The following PLEC variants were observed in gnomAD, a reference collection of about 807,000 sequenced individuals.
PLEC encodes plectin.
In PLEC, 216 loss-of-function variants were observed where a neutral mutation model predicts 392.8. The ratio of observed to expected loss-of-function variants is 0.55; its 90% CI spans 0.49 to 0.62. The LOEUF is 0.62. Among genes scored for constraint, PLEC ranks in the 20% least tolerant of loss-of-function variants. PLEC has a pLI of 0.00. For missense variants in PLEC, 6,863 were observed against 6,563.4 expected (o/e 1.05, Z -1.58); for synonymous variants, 3,621 against 2,980.6 (o/e 1.21, Z -7.00).
chr8:143,917,324 T>G lies in PLEC; in HGVS notation c.12497A>C (p.Gln4166Pro). The G allele has an allele frequency of 6.2e-7, 1 of 1,609,808 alleles. No homozygotes were observed. The highest frequency in any genetic ancestry group is 8.5e-7 in the Non-Finnish European group (1 of 1,179,700). ...CTGCTCGGACAGCTCCAGGTACGTCTGGTGGTCAATCAGGCCCTTGCGGTA... is the reference window on the plus strand; with the variant it reads ...CTGCTCGGACAGCTCCAGGTACGTCGGGTGGTCAATCAGGCCCTTGCGGTA... Reference protein sequence around the residue: ...EAYRKGLIDHQTYLELSEQEC... With the variant: ...EAYRKGLIDHPTYLELSEQEC... Residue 4166 changes from glutamine to proline, a missense_variant, in exon 32 of 32, where the codon CAG becomes CCG. Transcript: ENST00000345136.
In PLEC at chr8:143,923,494, C is replaced by G. The variant is rs782249577; in HGVS notation, c.6435G>C (p.Glu2145Asp). Residue 2145 changes from glutamate to aspartate, a missense_variant, in exon 31 of 32, where the codon GAG becomes GAC. Coordinates refer to ENST00000345136, the MANE Select transcript of PLEC (RefSeq NM_201384.3). The part of the protein sequence containing the change: ...AEKLRKEAEQ[E>D]AARRAQAEQA... ...GCTCCGCCTGTGCCCGCCGCGCCGC[C>G]TCTTGCTCGGCCTCCTTGCGCAGCT... The G allele has an allele frequency of 1.9e-6, 3 of 1,600,018 alleles. No individual in the cohort carries two copies. Among genetic ancestry groups the G allele is most frequent in the South Asian group, 1.1e-5 (1 of 90,602 alleles).
chr8:143,918,432 G>A lies in PLEC; in HGVS notation c.11389C>T (p.Leu3797=), dbSNP rs782813008. Residue 3797 remains leucine (L), a synonymous_variant, in exon 32 of 32, where the codon CTG becomes TTG. Coordinates refer to ENST00000345136, the MANE Select transcript of PLEC (RefSeq NM_201384.3). ...KKELIPTEEA[L]RLLDAQLATG... is the part of the protein sequence containing the mutation. The stretch of plus-strand genomic sequence containing the variant: ...GCCAGCTGGGCATCCAGCAGCCGCA[G>A]GGCCTCCTCAGTAGGGATCAGCTCC... 9 of 1,579,400 alleles carry A rather than the reference G, an allele frequency of 5.7e-6. No homozygotes were observed. The highest frequency in any genetic ancestry group is 1.1e-5 in the South Asian group (1 of 88,086).
rs559970805 is a variant in PLEC at position 143,927,297 on chromosome 8, G to A, written c.3795C>T (p.Val1265=). Residue 1265 remains valine, a synonymous_variant, in exon 28 of 32, where the codon GTC becomes GTT. Coordinates refer to ENST00000345136, the MANE Select transcript of PLEC (RefSeq NM_201384.3). Reference sequence around the variant, plus strand: ...GTTTCGCAAACCTCTGGCACTCCTCGACCTTCTCGCCGTGGCGCTCGATCT... The same window carrying A: ...GTTTCGCAAACCTCTGGCACTCCTCAACCTTCTCGCCGTGGCGCTCGATCT... ...LEEIERHGEK[V]EECQRFAKQY... 1.5e-5 allele frequency: 25 copies of A among 1,613,274 alleles called. No homozygotes were observed. In the South Asian group the frequency reaches 1.6e-4, roughly 11 times the overall value.
In PLEC at chr8:143,915,907, C is replaced by A; in HGVS notation, c.*270G>T. 6.4e-6 allele frequency: 2 copies of A among 314,314 alleles called. No individual in the cohort carries two copies. Among genetic ancestry groups the A allele is most frequent in the Non-Finnish European group, 1.2e-5 (2 of 172,012 alleles). The allele number at this position is 314,314 out of a possible 1,614,324, so 19.5% of individuals were successfully genotyped here. ...GGGTGGGCTGGGGCCCAGCTTGGGA[C>A]CCTCCAAGGCACCTGGCTGTGTGAG... On this transcript the variant is annotated 3_prime_UTR_variant, in exon 32 of 32. Transcript: ENST00000345136.
chr8:143,922,480 C>T (rs782173778), intron 31 of PLEC, 24 bp downstream of exon 31: 51 of 1,604,028 alleles, frequency 3.2e-5, no homozygotes, highest in Non-Finnish European at 4.0e-5. Context: ...CCCACCCGCC[C>T]GTCGCACGTA....
chr8:143,944,577 C>T, upstream of PLEC: 1 of 988,314 alleles, frequency 1.0e-6, no homozygotes, highest in Non-Finnish European at 1.4e-6. Flanking sequence ...CAGCCTCAGC[C>T]CCAGCCCTCT....
At position 143,932,411 on chromosome 8, in the gene PLEC, CCTT is replaced by C. The variant is rs1564125700; in HGVS notation, c.1963_1965del (p.Lys655del). 3 of 1,612,948 alleles carry C rather than the reference CCTT, an allele frequency of 1.9e-6. No individual in the cohort carries two copies. The highest frequency in any genetic ancestry group is 2.5e-6 in the Non-Finnish European group (3 of 1,179,966). On this transcript the variant is annotated inframe_deletion, in exon 16 of 32. Transcript: ENST00000345136. Reference sequence around the variant, plus strand: ...GGGCCACCGCTCACCGAGTAGCTCTCCTTCTTGGCGGTCATGTTGGTGTTGCGG... The same window carrying C: ...GGGCCACCGCTCACCGAGTAGCTCTCCTTGGCGGTCATGTTGGTGTTGCGG...
Position 143,934,841 on chromosome 8 carries a change from C to T in PLEC, c.914G>A (p.Arg305His), listed in dbSNP as rs1003535743. Reference protein sequence around the residue: ...MRHHTAAFEERRFPSSFEEIE... With the variant: ...MRHHTAAFEEHRFPSSFEEIE... The stretch of plus-strand genomic sequence containing the variant: ...CTCCTCGAAGCTGGAGGGGAACCTG[C>T]GTTCCTCAAAGGCGGCCGTGTGGTG... The change falls in exon 9 of 32, where the codon CGC becomes CAC. Residue 305 changes from arginine to histidine, a missense_variant. Physicochemically the swap from Arg to His is conservative, Grantham distance 29. Coordinates refer to ENST00000345136, the MANE Select transcript of PLEC (RefSeq NM_201384.3). 5 of 1,611,352 alleles carry T rather than the reference C, an allele frequency of 3.1e-6. No homozygotes were observed. Among genetic ancestry groups the T allele is most frequent in the African/African-American group, 1.3e-5 (1 of 74,930 alleles).
Position 143,931,528 on chromosome 8 carries a change from C to G in PLEC, c.2304+6G>C. 1 of 1,584,704 alleles carries G rather than the reference C, an allele frequency of 6.3e-7. No homozygotes were observed. ...CTGACACGCCCCTGCACACCCCCTC[C>G]CTCACCTGGGCATCCTGCAGCAGGT... On this transcript the variant is annotated splice_donor_region_variant and intron_variant, in intron 19 of 31. Transcript: ENST00000345136.
rs1554705813 is a variant in PLEC at position 143,926,775 on chromosome 8, G to A, written c.4044+9C>T. ...ACCCTCTGCCCAGCCTCCGCCCAACGGGCTGTACCTCCTCCTCCTCCATGC... is the reference window on the plus strand; with the variant it reads ...ACCCTCTGCCCAGCCTCCGCCCAACAGGCTGTACCTCCTCCTCCTCCATGC... On this transcript the variant is annotated intron_variant, in intron 30 of 31. Transcript: ENST00000345136. The A allele has an allele frequency of 8.7e-6, 14 of 1,608,754 alleles. No individual in the cohort carries two copies. The highest frequency in any genetic ancestry group is 5.5e-5 in the South Asian group (5 of 91,004).
At chr8:143,952,226 GCGCA>G (rs1832261167), upstream of PLEC, among the ~76,000 whole-genome samples, 1 of 144,206 alleles carries the variant, frequency 6.9e-6, no homozygotes, top group Admixed American at 6.8e-5. Context: ...ACACACGCAC[GCGCA>G]CGCGCACGCC....
Position 143,939,473 on chromosome 8 carries a change from A to G in PLEC, c.-12T>C. 6.2e-7 allele frequency: 1 copy of G among 1,606,746 alleles called. No homozygotes were observed. The highest frequency in any genetic ancestry group is 8.5e-7 in the Non-Finnish European group (1 of 1,177,696). On this transcript the variant is annotated 5_prime_UTR_variant, in exon 1 of 32. Transcript: ENST00000345136. ...TGGTGCTGAGACATGCTGCCCCCAC[A>G]CCTTCGTCGCCCGGACCCTCGGCCT...
upstream of PLEC, among the ~76,000 whole-genome samples, chr8:143,944,329 G>A (rs1831108122): frequency 1.3e-5 from 2 of 152,154 alleles, no homozygotes; most frequent in African/African-American, 2.4e-5. Flanking sequence ...ACCAGAAGAG[G>A]GGCCCGAGCA....
At chr8:143,933,154 GC>G in intron 13 of PLEC, 42 bp downstream of exon 13, 1 of 1,608,130 alleles carries the variant, frequency 6.2e-7, no homozygotes, top group Non-Finnish European at 8.5e-7. Context: ...CGGGCCTGGG[GC>G]CGTGTGTACC....
chr8:143,975,072 CT>C, upstream of PLEC: 1 of 1,303,834 alleles, frequency 7.7e-7, no homozygotes. This position sits in a 1 kb window ranked among gnomAD's most constrained non-coding sequence, Gnocchi z 9.9. Context: ...GCAGATCCCC[CT>C]AGGCCTCCCC....
chr8:143,919,688 C>T lies in PLEC; in HGVS notation c.10133G>A (p.Gly3378Asp). The change falls in exon 32 of 32, where the codon GGC (glycine) becomes GAC (aspartate). Residue 3378 changes from glycine to aspartate, a missense_variant. By Grantham distance (94) the Gly-to-Asp change is moderately conservative (BLOSUM62 -1). Coordinates refer to ENST00000345136, the MANE Select transcript of PLEC (RefSeq NM_201384.3). Reference protein sequence around the residue: ...KVSIYEAMRRGLLRATTAALL... With the variant: ...KVSIYEAMRRDLLRATTAALL... ...CGCAGCCGTTGTGGCTCTCAGCAGG[C>T]CCCGGCGCATGGCCTCGTAGATGGA... 1 of 1,602,108 alleles carries T rather than the reference C, an allele frequency of 6.2e-7. No individual in the cohort carries two copies. The highest frequency in any genetic ancestry group is 1.1e-5 in the South Asian group (1 of 90,790).
At chr8:143,961,097 G>T (rs1832851882) in intron 1 of PLEC, among the ~76,000 whole-genome samples, 1 of 152,228 alleles carries the variant, frequency 6.6e-6, no homozygotes, top group Non-Finnish European at 1.5e-5. Context: ...GCTTTCTCTG[G>T]CCTGGTTCCC....
Position 143,918,464 on chromosome 8 carries a change from A to G in PLEC, c.11357T>C (p.Met3786Thr), listed in dbSNP as rs797044718. The G allele has an allele frequency of 2.5e-6, 4 of 1,592,130 alleles. No homozygotes were observed. The Admixed American group carries it at 5.3e-5, about 21-fold the overall frequency. Residue 3786 changes from methionine (M) to threonine (T), a missense_variant, in exon 32 of 32, where the codon ATG (methionine) becomes ACG (threonine). Transcript: ENST00000345136. ...TEQTISLFQA[M>T]KKELIPTEEA... ...CTCAGTAGGGATCAGCTCCTTCTTC[A>G]TGGCCTGGAAGAGCGAGATGGTCTG...
Position 143,934,625 on chromosome 8 carries a change from T to A in PLEC, c.1041+10A>T. 1 of 1,612,252 alleles carries A rather than the reference T, an allele frequency of 6.2e-7. No individual in the cohort carries two copies. Among genetic ancestry groups the A allele is most frequent in the Non-Finnish European group, 8.5e-7 (1 of 1,179,186 alleles). ...AGGACACCACCCACCCCTCCAGCGG[T>A]CCCACTCACCTCCAGGGATTGGTAG... On this transcript the variant is annotated intron_variant, in intron 10 of 31. Transcript: ENST00000345136.
Sources: allele counts gnomAD v4.1 joint callset (sites outside exome capture counted in the v4.1 genomes callset), GRCh38; gene constraint gnomAD v4.1.1; non-coding constraint Gnocchi (gnomAD v3.1); transcripts MANE v1.5; gene names NCBI Gene and HGNC (gene_info 2026-07-23, HGNC 2026-07-21).